The following NBAS variants were observed in gnomAD, a reference collection of about 807,000 sequenced individuals.
NBAS encodes NAG/BC035112 fusion.
A neutral mutation model predicts 302.5 loss-of-function variants in NBAS; 219 were observed. The ratio of observed to expected loss-of-function variants is 0.72; its 90% CI spans 0.65 to 0.81. The LOEUF is 0.81. Ranked by LOEUF, NBAS falls within the 30% of genes least tolerant of loss-of-function variation. The probability of loss-of-function intolerance (pLI) is 0.00; values close to 1 mark genes in which losing one functional copy is unlikely to be tolerated. For synonymous variants in NBAS, 1,118 were observed against 1,021.6 expected, an observed-to-expected ratio of 1.09 and a Z score of -1.80; for missense variants, 2,932 against 2,841.6, an observed-to-expected ratio of 1.03 and a Z score of -0.72.
chr2:15,422,122 C>T (rs1677242081), intron 23 of NBAS, among the ~76,000 whole-genome samples: 2 of 152,190 alleles, frequency 1.3e-5, no homozygotes, highest in African/African-American at 4.8e-5. Flanking sequence ...GTGCTCTGTC[C>T]GTTCATTCCT....
rs55808465 is a variant in NBAS, at chr2:15,463,788, C to CAAAAAAAAAAAAAAAAA, written c.2098-2014_2098-1998dup. On this transcript the variant is annotated intron_variant, in intron 19 of 51. Coordinates refer to ENST00000281513, the MANE Select transcript of NBAS (RefSeq NM_015909.4). ...AATCCTCATTCAAATGAACCAAATG[C>CAAAAAAAAAAAAAAAAA]AAAAAAAAAAAAAAAAAGCACCAGG... is the stretch of plus-strand genomic sequence containing the variant. Among the ~76,000 whole-genome samples, 18 of 91,634 alleles carry CAAAAAAAAAAAAAAAAA rather than the reference C, an allele frequency of 2.0e-4. 1 individual carries two copies. The highest frequency in any genetic ancestry group is 7.4e-4 in the African/African-American group (17 of 23,020). The allele number at this position is 91,634 out of a possible 152,430, so 60.1% of individuals were successfully genotyped here.
At chr2:14,906,547 G>T in the NBAS span, among the ~76,000 whole-genome samples, 2 of 152,242 alleles carry the variant, frequency 1.3e-5, no homozygotes, top group African/African-American at 4.8e-5. Flanking sequence ...ACTCGCTATT[G>T]TTCCTACCCA....
At chr2:14,882,039 GA>G in the NBAS span, among the ~76,000 whole-genome samples, 2 of 152,050 alleles carry the variant, frequency 1.3e-5, no homozygotes, top group African/African-American at 4.8e-5. Flanking sequence ...GGAGAAGAAA[GA>G]AAAGAGAAAT....
At position 15,330,178 on chromosome 2, in the gene NBAS, A is replaced by C. The variant is rs148670071; in HGVS notation, c.4347+420T>G. Among the ~76,000 whole-genome samples the C allele has an allele frequency of 5.6e-3, 854 of 152,314 alleles. 6 individuals carry two copies. Among genetic ancestry groups the C allele is most frequent in the African/African-American group, 0.018 (737 of 41,578 alleles). On this transcript the variant is annotated intron_variant, in intron 36 of 51. Transcript: ENST00000281513. ...AGTATGAGAATGCAGAGCAAACTCA[A>C]TTGCTCTACTGCCTGCCCTGACTGA...
chr2:14,881,536 G>A, the NBAS span, among the ~76,000 whole-genome samples: 2 of 152,178 alleles, frequency 1.3e-5, no homozygotes, highest in Non-Finnish European at 2.9e-5. Flanking sequence ...GAAAAACTGT[G>A]AATCCAGGAA....
chr2:15,099,601 A>C, the NBAS span, among the ~76,000 whole-genome samples: 1 of 152,000 alleles, frequency 6.6e-6, no homozygotes, highest in Non-Finnish European at 1.5e-5. Flanking sequence ...CAGAATTTAC[A>C]TTGGGCTAAC....
At chr2:14,965,105 C>T in the NBAS span, among the ~76,000 whole-genome samples, 21 of 151,702 alleles carry the variant, frequency 1.4e-4, no homozygotes, top group East Asian at 7.7e-4. Context: ...TCAATAACTT[C>T]GCCTTCCGTT....
the NBAS span, among the ~76,000 whole-genome samples, chr2:15,009,469 A>C: frequency 6.6e-6 from 1 of 151,934 alleles, no homozygotes; most frequent in African/African-American, 2.4e-5. Context: ...TTCAGAGCCC[A>C]AAATGAAGCT....
At chr2:15,208,327 G>GC (rs912142680) in intron 48 of NBAS, among the ~76,000 whole-genome samples, 1 of 152,128 alleles carries the variant, frequency 6.6e-6, no homozygotes, top group African/African-American at 2.4e-5. Flanking sequence ...GGGGGAAAGT[G>GC]CCCCCGTGAT....
chr2:14,937,759 A>G, the NBAS span, among the ~76,000 whole-genome samples: 2 of 152,158 alleles, frequency 1.3e-5, no homozygotes, highest in Non-Finnish European at 2.9e-5. Context: ...ATGGTCCTGC[A>G]CCATTTATCA....
At chr2:15,377,400 C>T (rs1323370524) in intron 30 of NBAS, among the ~76,000 whole-genome samples, 2 of 152,186 alleles carry the variant, frequency 1.3e-5, no homozygotes, top group Non-Finnish European at 2.9e-5. Flanking sequence ...CAAAATTTTG[C>T]ATGTGCTTAC....
At chr2:15,324,250 G>A (rs1390972897) in intron 38 of NBAS, among the ~76,000 whole-genome samples, 1 of 152,158 alleles carries the variant, frequency 6.6e-6, no homozygotes, top group Non-Finnish European at 1.5e-5. Flanking sequence ...GCTTTTGATA[G>A]AGGGTTCCTT....
rs80064150 is a variant in NBAS, at chr2:15,246,715, G to A, written c.5725-8029C>T. 3.6e-3 allele frequency among the ~76,000 whole-genome samples: 551 copies of A among 152,328 alleles called. 8 individuals are homozygous for A. Among genetic ancestry groups the A allele is most frequent in the Non-Finnish European group, 1.7e-3 (115 of 68,034 alleles). On this transcript the variant is annotated intron_variant, in intron 44 of 51. Transcript: ENST00000281513. Reference sequence around the variant, plus strand: ...GCCACCCTGGATCGGAAGTCATGCAGGAAGGGGCACAACGGCATCAAGCTA... The same window carrying A: ...GCCACCCTGGATCGGAAGTCATGCAAGAAGGGGCACAACGGCATCAAGCTA...
chr2:14,849,507 C>T, the NBAS span, among the ~76,000 whole-genome samples: 1 of 151,764 alleles, frequency 6.6e-6, no homozygotes, highest in African/African-American at 2.4e-5. Flanking sequence ...AAACACTCTG[C>T]AGGATATTAT....
At chr2:14,827,401 G>A in the NBAS span, among the ~76,000 whole-genome samples, 5 of 152,312 alleles carry the variant, frequency 3.3e-5, no homozygotes, top group South Asian at 1.0e-3. Flanking sequence ...TCACATTTGT[G>A]TAGACATGAG....
At chr2:15,317,519 T>C (rs1671569521) in intron 38 of NBAS, among the ~76,000 whole-genome samples, 1 of 152,202 alleles carries the variant, frequency 6.6e-6, no homozygotes, top group Non-Finnish European at 1.5e-5. Context: ...GTTAGACGAA[T>C]GTCTAACTAG....
intron 32 of NBAS, among the ~76,000 whole-genome samples, chr2:15,364,087 G>A (rs1674073503): frequency 6.6e-6 from 1 of 152,208 alleles, no homozygotes; most frequent in African/African-American, 2.4e-5. Flanking sequence ...ATGTGAATGA[G>A]CCCTCTTAGA....
intron 16 of NBAS, among the ~76,000 whole-genome samples, chr2:15,471,958 T>C (rs1212416724): frequency 6.6e-6 from 1 of 152,232 alleles, no homozygotes; most frequent in Non-Finnish European, 1.5e-5. Context: ...GATATTTTTG[T>C]TGCAGCGGCT....
At chr2:14,883,545 G>A in the NBAS span, among the ~76,000 whole-genome samples, 40 of 152,164 alleles carry the variant, frequency 2.6e-4, no homozygotes, top group South Asian at 2.1e-4. Context: ...AATGTCCACC[G>A]GCAGAAAATT....
Sources: gnomAD v4.1 joint callset for allele counts (sites outside exome capture counted in the v4.1 genomes callset) on GRCh38, gnomAD v4.1.1 for gene constraint, MANE v1.5 for transcripts, NCBI Gene and HGNC (gene_info 2026-07-23, HGNC 2026-07-21) for gene names.